Variants in ANAPC10 observed in about 807,000 individuals in gnomAD.
ANAPC10 encodes anaphase promoting complex subunit 10.
A neutral mutation model predicts 22.0 loss-of-function variants in ANAPC10; 12 were observed. The observed-to-expected ratio is 0.55, with a 90% CI of 0.35 to 0.88. ANAPC10 has a LOEUF of 0.88. Among genes scored for constraint, ANAPC10 ranks in the 40% least tolerant of loss-of-function variants. The probability of loss-of-function intolerance (pLI) is 0.01; values close to 1 mark genes in which losing one functional copy is unlikely to be tolerated. For synonymous variants in ANAPC10, 65 were observed against 69.5 expected (o/e 0.94, Z 0.32); for missense variants, 188 against 220.9 (o/e 0.85, Z 0.94).
At chr4:145,036,854 T>C (rs1738621945) in intron 4 of ANAPC10, among the ~76,000 whole-genome samples, 1 of 152,120 alleles carries the variant, frequency 6.6e-6, no homozygotes, top group South Asian at 2.1e-4. Context: ...GAGGTACATA[T>C]TCACAGTGGT....
chr4:145,067,224 G>T (rs1272554426), intron 3 of ANAPC10, among the ~76,000 whole-genome samples: 1 of 152,074 alleles, frequency 6.6e-6, no homozygotes, highest in Non-Finnish European at 1.5e-5. Flanking sequence ...CATGTCATAA[G>T]ATTAAACATA....
intron 4 of ANAPC10, among the ~76,000 whole-genome samples, chr4:145,036,236 A>G (rs1205822219): frequency 6.6e-6 from 1 of 152,210 alleles, no homozygotes; most frequent in Non-Finnish European, 1.5e-5. Flanking sequence ...AGGGAAGTAG[A>G]TGAGAGAAGG....
At chr4:145,073,188 C>T (rs1429921785) in intron 3 of ANAPC10, among the ~76,000 whole-genome samples, 1 of 152,170 alleles carries the variant, frequency 6.6e-6, no homozygotes, top group Non-Finnish European at 1.5e-5. Flanking sequence ...GCCACTGCAC[C>T]CAATCTACTA....
intron 3 of ANAPC10, among the ~76,000 whole-genome samples, chr4:145,071,792 T>C (rs531326379): frequency 1.3e-5 from 2 of 152,286 alleles, no homozygotes; most frequent in South Asian, 4.1e-4. Context: ...AAATCATCCA[T>C]AGCATTAAGT....
At chr4:145,081,543 G>C (rs563985487) in intron 3 of ANAPC10, 117 bp downstream of exon 3, 89 of 627,692 alleles carry the variant, frequency 1.4e-4, no homozygotes, top group Middle Eastern at 9.0e-4. Flanking sequence ...AGACTTCAGA[G>C]TTTAAAAAGT....
At chr4:145,038,445 A>C (rs1381514610) in intron 4 of ANAPC10, among the ~76,000 whole-genome samples, 7 of 152,142 alleles carry the variant, frequency 4.6e-5, no homozygotes, top group Non-Finnish European at 1.0e-4. Context: ...CCCAGGAGGC[A>C]GAAGTTGCAG....
intron 3 of ANAPC10, among the ~76,000 whole-genome samples, chr4:145,074,701 T>G (rs1744946501): frequency 2.0e-5 from 3 of 152,196 alleles, no homozygotes; most frequent in African/African-American, 7.2e-5. Flanking sequence ...GATCATGTAA[T>G]CTAACCACCA....
intron 4 of ANAPC10, among the ~76,000 whole-genome samples, chr4:145,015,744 G>A (rs1735022069): frequency 6.6e-6 from 1 of 152,128 alleles, no homozygotes; most frequent in South Asian, 2.1e-4. Flanking sequence ...AGATTTCTCA[G>A]CAGAAACTCT....
chr4:145,000,594 TTGG>T (rs1732372349), intron 4 of ANAPC10, among the ~76,000 whole-genome samples: 2 of 152,352 alleles, frequency 1.3e-5, no homozygotes, highest in South Asian at 4.1e-4. Flanking sequence ...TTTTACACTG[TTGG>T]TGGGACTGTA....
chr4:145,067,799 C>G (rs1299641235), intron 3 of ANAPC10, among the ~76,000 whole-genome samples: 2 of 152,182 alleles, frequency 1.3e-5, no homozygotes, highest in Non-Finnish European at 2.9e-5. Context: ...ATCCCTTTAT[C>G]CCCTCTTTCT....
intron 4 of ANAPC10, among the ~76,000 whole-genome samples, chr4:145,026,922 T>TAC (rs1560840055): frequency 6.1e-4 from 7 of 11,412 alleles, no homozygotes; most frequent in East Asian, 7.5e-3. Context: ...TATACATACA[T>TAC]ATATATATAT....
At chr4:145,003,740 T>A (rs1732926148) in intron 4 of ANAPC10, among the ~76,000 whole-genome samples, 1 of 152,110 alleles carries the variant, frequency 6.6e-6, no homozygotes, top group African/African-American at 2.4e-5. Context: ...CTTGTTAATG[T>A]AGCCTTATAC....
At chr4:145,056,082 G>A (rs78097416) in intron 4 of ANAPC10, among the ~76,000 whole-genome samples, 222 of 152,188 alleles carry the variant, frequency 1.5e-3, no homozygotes, top group African/African-American at 5.0e-3. Flanking sequence ...TCTTGAATAC[G>A]AGCTGGGTAA....
chr4:145,031,480 C>T (rs1737571967), intron 4 of ANAPC10, among the ~76,000 whole-genome samples: 1 of 152,186 alleles, frequency 6.6e-6, no homozygotes, highest in Non-Finnish European at 1.5e-5. Flanking sequence ...AGAGGCACGA[C>T]ACCTAGTGGG....
intron 4 of ANAPC10, chr4:145,053,918 GT>G (rs890664203): frequency 6.5e-3 from 2,261 of 345,412 alleles, no homozygotes; most frequent in South Asian, 9.8e-3. Context: ...GTGTGTGTGT[GT>G]TTTTTTTTTA....
rs35754508 is a variant in ANAPC10, at chr4:145,064,464, C to A, written c.327+108G>T. ...CAAACATGTTTTCTCCAATATTTTT[C>A]TCTTATATATTAACATTTTAACCTG... On this transcript the variant is annotated intron_variant, in intron 4 of 4. Transcript: ENST00000507656. 176 of 827,162 alleles carry A rather than the reference C, an allele frequency of 2.1e-4. 1 individual carries two copies. In the African/African-American group the frequency reaches 2.7e-3, roughly 13 times the overall value. The allele number at this position is 827,162 out of a possible 1,614,324, so 51.2% of individuals were successfully genotyped here.
intron 2 of ANAPC10, among the ~76,000 whole-genome samples, chr4:145,086,345 C>T (rs1746892547): frequency 6.6e-6 from 1 of 152,174 alleles, no homozygotes. Context: ...AGAAAATCCA[C>T]ACAAATAACA....
At position 145,066,759 on chromosome 4, in the gene ANAPC10, T is replaced by TA. The variant is rs537174543; in HGVS notation, c.207-2068_207-2067insT. ...AGTGTTGTCAAATAGGAACTTTTAT[T>TA]TCTTCATTTTTCTGATTTAAAAAAA... On this transcript the variant is annotated intron_variant, in intron 3 of 4. Transcript: ENST00000507656. 6.8e-3 allele frequency among the ~76,000 whole-genome samples: 665 copies of TA among 97,656 alleles called. 3 individuals carry two copies. Among genetic ancestry groups the TA allele is most frequent in the African/African-American group, 0.023 (612 of 26,168 alleles). The allele number at this position is 97,656 out of a possible 152,430, so 64.1% of individuals were successfully genotyped here. A position where few individuals can be genotyped will look rare whatever the true frequency, so the allele number is the denominator to read the frequency against.
Position 144,997,822 on chromosome 4 carries a change from C to T in ANAPC10, c.328-2219G>A, listed in dbSNP as rs138433065. Among the ~76,000 whole-genome samples, 15 of 152,180 alleles carry T rather than the reference C, an allele frequency of 9.9e-5. No homozygotes were observed. In the East Asian group the frequency reaches 2.7e-3, roughly 27 times the overall value. On this transcript the variant is annotated intron_variant, in intron 4 of 4. Coordinates refer to ENST00000507656, the MANE Select transcript of ANAPC10 (RefSeq NM_001256706.2). Reference sequence around the variant, plus strand: ...AGAGTCAAGACCCATCAGTGTGCTGCATTCAGGAGACCCATCTCACGTGCA... The same window carrying T: ...AGAGTCAAGACCCATCAGTGTGCTGTATTCAGGAGACCCATCTCACGTGCA...
Sources: gnomAD v4.1 joint callset for allele counts (sites outside exome capture counted in the v4.1 genomes callset) on GRCh38, gnomAD v4.1.1 for gene constraint, MANE v1.5 for transcripts, NCBI Gene and HGNC (gene_info 2026-07-23, HGNC 2026-07-21) for gene names.